SRGAP2C: variants seen among roughly 807,000 people sequenced by gnomAD.
SRGAP2C encodes SLIT-ROBO Rho GTPase activating protein 2C.
A neutral mutation model predicts 25.1 loss-of-function variants in SRGAP2C; 15 were observed. The observed-to-expected ratio is 0.60, with a 90% CI of 0.40 to 0.92. SRGAP2C has a LOEUF of 0.92. Ranked by LOEUF, SRGAP2C falls within the 40% of genes least tolerant of loss-of-function variation. The probability of loss-of-function intolerance (pLI) is 0.00; values close to 1 mark genes in which losing one functional copy is unlikely to be tolerated. For missense variants in SRGAP2C, 144 were observed against 264.4 expected (o/e 0.54, Z 3.16); for synonymous variants, 44 against 96.6 (o/e 0.46, Z 3.19).
chr1:121,297,399 GA>G, intron 3 of SRGAP2C, among the ~76,000 whole-genome samples: 1 of 97,954 alleles, frequency 1.0e-5, no homozygotes, highest in South Asian at 2.9e-4. Context: ...CTTTGAGCCA[GA>G]AAAACTTGGG....
At chr1:121,260,371 TG>T (rs1553333309) in intron 2 of SRGAP2C, among the ~76,000 whole-genome samples, 1 of 151,804 alleles carries the variant, frequency 6.6e-6, no homozygotes, top group African/African-American at 2.4e-5. Flanking sequence ...ATTTGAGGAA[TG>T]GCAAGAAGGC....
chr1:121,372,904 CAT>C (rs1387552965), intron 5 of SRGAP2C, among the ~76,000 whole-genome samples: 2 of 72,950 alleles, frequency 2.7e-5, no homozygotes, highest in South Asian at 3.6e-4. Flanking sequence ...CACACACACA[CAT>C]GCACACACAC....
At position 121,212,416 on chromosome 1, in the gene SRGAP2C, C is replaced by T. The variant is rs587765635; in HGVS notation, c.67+24903C>T. ...GAGTGCTGGGATTACAGGGGTGAGC[C>T]ACCATACCCAGCCCAGAATGGTATT... On this transcript the variant is annotated intron_variant, in intron 2 of 9. Coordinates refer to ENST00000367123, the MANE Select transcript of SRGAP2C (RefSeq NM_001329984.2). Among the ~76,000 whole-genome samples the T allele has an allele frequency of 8.5e-5, 13 of 152,216 alleles. No homozygotes were observed. The South Asian group carries it at 2.5e-3, about 29-fold the overall frequency.
chr1:121,270,168 G>A (rs1477305425), intron 2 of SRGAP2C, among the ~76,000 whole-genome samples: 1 of 146,662 alleles, frequency 6.8e-6, no homozygotes, highest in Non-Finnish European at 1.5e-5. Context: ...CTTTCAAGTT[G>A]CAGAGGAAGA....
chr1:121,284,925 T>C lies in SRGAP2C; in HGVS notation c.190T>C (p.Ser64Pro), dbSNP rs1470809866. ...GAAGGCAGAGATTGAGATGGACTAC[T>C]CCCGCAACCTGGAGAAGCTGGCAGA... ...RKKAEIEMDY[S>P]RNLEKLAEHF... The change falls in exon 3 of 10, where the codon TCC (serine) becomes CCC (proline). Residue 64 changes from serine (S) to proline (P), a missense_variant. Physicochemically the swap from Ser to Pro is moderately conservative, Grantham distance 74. Around this residue, in one of 5 missense-constraint regions of SRGAP2C, gnomAD observed 61 missense variants for 61.7 expected, o/e 0.99. Coordinates refer to ENST00000367123, the MANE Select transcript of SRGAP2C (RefSeq NM_001329984.2). 1.3e-6 allele frequency: 2 copies of C among 1,546,038 alleles called. No individual in the cohort carries two copies. Among genetic ancestry groups the C allele is most frequent in the African/African-American group, 2.8e-5 (2 of 72,616 alleles).
intron 2 of SRGAP2C, among the ~76,000 whole-genome samples, chr1:121,198,281 G>GTTTTTT (rs71278814): frequency 7.0e-6 from 1 of 142,178 alleles, no homozygotes; most frequent in African/African-American, 2.6e-5. Flanking sequence ...TATTCTCTTT[G>GTTTTTT]TTTTTTTTTT....
rs1317541862 is a variant in SRGAP2C at position 121,370,598 on chromosome 1, C to T, written c.487-3373C>T. Among the ~76,000 whole-genome samples, 205 of 150,834 alleles carry T rather than the reference C, an allele frequency of 1.4e-3. 1 individual carries two copies. The highest frequency in any genetic ancestry group is 4.2e-3 in the African/African-American group (172 of 41,100). Reference sequence around the variant, plus strand: ...CTGGGACTACAGGCACCCGCCACCACGCCCAGTTAATTTATTTTTGTATTT... The same window carrying T: ...CTGGGACTACAGGCACCCGCCACCATGCCCAGTTAATTTATTTTTGTATTT... On this transcript the variant is annotated intron_variant, in intron 5 of 9. Coordinates refer to ENST00000367123, the MANE Select transcript of SRGAP2C (RefSeq NM_001329984.2).
chr1:121,295,906 C>T (rs1570767547), intron 3 of SRGAP2C, among the ~76,000 whole-genome samples: 1 of 152,252 alleles, frequency 6.6e-6, no homozygotes, highest in East Asian at 1.9e-4. Flanking sequence ...GGATTACAGG[C>T]ATGCGCCATG....
chr1:121,215,906 T>G (rs1189675260), intron 2 of SRGAP2C, among the ~76,000 whole-genome samples: 1 of 152,028 alleles, frequency 6.6e-6, no homozygotes, highest in Non-Finnish European at 1.5e-5. Context: ...TGCCCTGTAC[T>G]CCCCAGTGTC....
chr1:121,366,262 G>A (rs1659319068), intron 5 of SRGAP2C, among the ~76,000 whole-genome samples: 1 of 149,500 alleles, frequency 6.7e-6, no homozygotes, highest in Non-Finnish European at 1.5e-5. Context: ...CTTATTTGCT[G>A]CGTTTTTTCT....
chr1:121,297,106 TCC>T (rs1657615433), intron 3 of SRGAP2C, among the ~76,000 whole-genome samples: 1 of 151,808 alleles, frequency 6.6e-6, no homozygotes, highest in African/African-American at 2.4e-5. Flanking sequence ...AGGGTTGGCT[TCC>T]CTTCTCCATG....
intron 2 of SRGAP2C, among the ~76,000 whole-genome samples, chr1:121,222,085 C>A (rs1655540750): frequency 6.6e-6 from 1 of 151,786 alleles, no homozygotes. Context: ...GGCTTAAAAA[C>A]AAAAACAAAA....
intron 7 of SRGAP2C, among the ~76,000 whole-genome samples, chr1:121,379,626 CTG>C (rs1659764465): frequency 6.6e-6 from 1 of 151,648 alleles, no homozygotes; most frequent in African/African-American, 2.4e-5. Context: ...AGTCAAGACT[CTG>C]GAGAACCTCT....
intron 3 of SRGAP2C, among the ~76,000 whole-genome samples, chr1:121,316,120 TTG>T (rs1426573261): frequency 1.4e-5 from 2 of 138,374 alleles, no homozygotes; most frequent in Admixed American, 7.5e-5. Flanking sequence ...AGGGGACTCA[TTG>T]TCCCAGGGAC....
intron 2 of SRGAP2C, among the ~76,000 whole-genome samples, chr1:121,191,053 G>T (rs1553319672): frequency 6.6e-6 from 1 of 152,204 alleles, no homozygotes. Flanking sequence ...TCTGGTTTGT[G>T]GGTGCCCACA....
intron 5 of SRGAP2C, among the ~76,000 whole-genome samples, chr1:121,367,509 A>G (rs2101653005): frequency 6.6e-6 from 1 of 152,166 alleles, no homozygotes; most frequent in East Asian, 1.9e-4. Flanking sequence ...CACAATGTCA[A>G]TATAGAGACA....
At chr1:121,218,853 C>T (rs376692119) in intron 2 of SRGAP2C, among the ~76,000 whole-genome samples, 20,279 of 151,600 alleles carry the variant, frequency 0.13, 1,818 homozygotes, top group Non-Finnish European at 0.19. Context: ...AGTTGACTTT[C>T]TTTCATAAAT....
At chr1:121,259,558 A>G (rs1656563800) in intron 2 of SRGAP2C, among the ~76,000 whole-genome samples, 1 of 149,786 alleles carries the variant, frequency 6.7e-6, no homozygotes, top group Admixed American at 6.7e-5. Flanking sequence ...ATATACTTAT[A>G]TGTTTTACAA....
intron 2 of SRGAP2C, among the ~76,000 whole-genome samples, chr1:121,279,297 A>C (rs1657187758): frequency 6.6e-6 from 1 of 150,676 alleles, no homozygotes; most frequent in African/African-American, 2.4e-5. Flanking sequence ...ATTCCTGAAG[A>C]AGAAGATGAA....
Sources: allele counts gnomAD v4.1 joint callset (sites outside exome capture counted in the v4.1 genomes callset), GRCh38; gene constraint gnomAD v4.1.1; regional missense constraint gnomAD v4.1.1; transcripts MANE v1.5; gene names NCBI Gene and HGNC (gene_info 2026-07-23, HGNC 2026-07-21).